The following RAB3IP variants were observed in gnomAD, a reference collection of about 807,000 sequenced individuals.
RAB3IP encodes the protein RAB3A interacting protein.
In RAB3IP, 36 loss-of-function variants were observed where a neutral mutation model predicts 59.1. That is an observed-to-expected ratio of 0.61 (90% CI 0.47 to 0.80). RAB3IP has a LOEUF of 0.80. Among genes scored for constraint, RAB3IP ranks in the 30% least tolerant of loss-of-function variants. The probability of loss-of-function intolerance (pLI) is 0.00; values close to 1 mark genes in which losing one functional copy is unlikely to be tolerated. For synonymous variants in RAB3IP, 207 were observed against 191.2 expected (o/e 1.08, Z -0.68); for missense variants, 511 against 536.0 (o/e 0.95, Z 0.46).
intron 3 of RAB3IP, among the ~76,000 whole-genome samples, chr12:69,758,218 G>A (rs762719529): frequency 2.9e-4 from 44 of 152,148 alleles, no homozygotes; most frequent in Admixed American, 8.5e-4. Flanking sequence ...TATTTAATAC[G>A]AGTTTCTTAT....
At chr12:69,784,383 T>C (rs978290723) in intron 3 of RAB3IP, among the ~76,000 whole-genome samples, 1 of 151,324 alleles carries the variant, frequency 6.6e-6, no homozygotes, top group Non-Finnish European at 1.5e-5. Context: ...GAAATAAATA[T>C]GTATAGCAAA....
intron 6 of RAB3IP, among the ~76,000 whole-genome samples, chr12:69,797,629 C>T (rs1305467871): frequency 1.3e-5 from 2 of 151,790 alleles, no homozygotes; most frequent in African/African-American, 2.4e-5. Context: ...CCCACTAACT[C>T]GTCATCTAGC....
intron 8 of RAB3IP, among the ~76,000 whole-genome samples, chr12:69,801,984 G>A (rs191078793): frequency 4.8e-4 from 69 of 143,246 alleles, no homozygotes; most frequent in African/African-American, 1.7e-3. Flanking sequence ...ATGGCAACAA[G>A]CACAATTACT....
intron 8 of RAB3IP, among the ~76,000 whole-genome samples, chr12:69,807,033 C>T (rs1056789415): frequency 1.4e-4 from 22 of 152,126 alleles, no homozygotes; most frequent in Admixed American, 8.5e-4. Context: ...CACATTTCCC[C>T]CTTTTCTTTT....
chr12:69,800,073 C>T (rs949533598), intron 6 of RAB3IP, 136 bp from the exon 7 acceptor site: 1 of 581,948 alleles, frequency 1.7e-6, no homozygotes, highest in Non-Finnish European at 2.6e-6. Flanking sequence ...TATTGAACCA[C>T]CAAGAGTGGT....
intron 10 of RAB3IP, among the ~76,000 whole-genome samples, chr12:69,814,647 G>A (rs747881940): frequency 5.3e-5 from 8 of 151,834 alleles, no homozygotes; most frequent in Non-Finnish European, 8.8e-5. Flanking sequence ...AACGTACCCT[G>A]GAGTGGCCAG....
intron 4 of RAB3IP, among the ~76,000 whole-genome samples, chr12:69,787,946 A>G (rs1204371864): frequency 6.6e-6 from 1 of 152,168 alleles, no homozygotes; most frequent in East Asian, 1.9e-4. Flanking sequence ...AAGTTTTAAA[A>G]GGTAAAACAA....
At chr12:69,806,658 T>C (rs1199616108) in intron 8 of RAB3IP, among the ~76,000 whole-genome samples, 2 of 147,682 alleles carry the variant, frequency 1.4e-5, no homozygotes, top group African/African-American at 5.0e-5. Context: ...AGGATAATAG[T>C]GGAGAGATGG....
intron 3 of RAB3IP, among the ~76,000 whole-genome samples, chr12:69,767,701 C>T (rs116680213): frequency 1.8e-3 from 270 of 152,014 alleles, no homozygotes; most frequent in Middle Eastern, 6.8e-3. Flanking sequence ...AAGGCCTCTG[C>T]ACAGGAGGAG....
chr12:69,809,701 A>G (rs1376238331), intron 8 of RAB3IP, among the ~76,000 whole-genome samples: 1 of 152,102 alleles, frequency 6.6e-6, no homozygotes, highest in Non-Finnish European at 1.5e-5. Context: ...TCGGTTACTG[A>G]GGCTTGTGCA....
intron 1 of RAB3IP, among the ~76,000 whole-genome samples, chr12:69,752,317 A>G (rs570574679): frequency 3.5e-4 from 52 of 147,688 alleles, no homozygotes; most frequent in African/African-American, 1.2e-3. Context: ...CCATTAAAAA[A>G]AAATTATATA....
chr12:69,800,360 G>T, intron 7 of RAB3IP, 23 bp downstream of exon 7: 1 of 1,428,334 alleles, frequency 7.0e-7, no homozygotes. Flanking sequence ...CATTTTAGTA[G>T]GAATTCATTA....
chr12:69,799,760 ATAAT>A (rs1878084633), intron 6 of RAB3IP, among the ~76,000 whole-genome samples: 1 of 152,180 alleles, frequency 6.6e-6, no homozygotes, highest in Non-Finnish European at 1.5e-5. Flanking sequence ...TTCAGACACT[ATAAT>A]TAATTAGGTT....
chr12:69,752,616 A>G (rs964852110), intron 1 of RAB3IP, among the ~76,000 whole-genome samples: 1 of 152,166 alleles, frequency 6.6e-6, no homozygotes, highest in Non-Finnish European at 1.5e-5. Flanking sequence ...AGTTATTGCT[A>G]AATTTTCCTC....
rs146834778 is a variant in RAB3IP at position 69,754,342 on chromosome 12, G to GACACACACAC, written c.-25-1042_-25-1041insACACACACAC. Among the ~76,000 whole-genome samples, 886 of 150,074 alleles carry GACACACACAC rather than the reference G, an allele frequency of 5.9e-3. 5 individuals carry two copies. Among genetic ancestry groups the GACACACACAC allele is most frequent in the Middle Eastern group, 0.028 (8 of 288 alleles). On this transcript the variant is annotated intron_variant, in intron 1 of 10. Transcript: ENST00000247833. ...ACACACACACATACACAGATACACG[G>GACACACACAC]GCACACACACACACACACACACACA...
intron 4 of RAB3IP, among the ~76,000 whole-genome samples, chr12:69,786,851 ACC>A (rs1291634814): frequency 5.9e-5 from 9 of 152,282 alleles, no homozygotes; most frequent in African/African-American, 2.2e-4. Flanking sequence ...GGAGTCTCTA[ACC>A]TTTTCTAACC....
chr12:69,815,700 C>T lies in RAB3IP; in HGVS notation c.*254C>T, dbSNP rs1235050144. On this transcript the variant is annotated 3_prime_UTR_variant, in exon 11 of 11. Coordinates refer to ENST00000247833, the MANE Select transcript of RAB3IP (RefSeq NM_022456.5). ...TATAGTTGCCAAAAAAAAAAAAAAC[C>T]TGAAATAAATAAATGTTAGATTGAA... The T allele has an allele frequency of 7.6e-6, 2 of 263,866 alleles. No individual in the cohort carries two copies. Among genetic ancestry groups the T allele is most frequent in the East Asian group, 1.4e-4 (2 of 14,728 alleles). The allele number at this position is 263,866 out of a possible 1,614,324, so 16.3% of individuals were successfully genotyped here. A position where few individuals can be genotyped will look rare whatever the true frequency, so the allele number is the denominator to read the frequency against.
chr12:69,756,035 ATTTCT>A (rs1264672635), intron 2 of RAB3IP, among the ~76,000 whole-genome samples: 1 of 152,216 alleles, frequency 6.6e-6, no homozygotes, highest in Non-Finnish European at 1.5e-5. Context: ...TCTTTTAAAG[ATTTCT>A]TTTCAACTAT....
At chr12:69,738,736 G>C (rs546235153), upstream of RAB3IP, 2 of 151,840 alleles carry the variant, frequency 1.3e-5, no homozygotes, top group East Asian at 1.9e-4. Context: ...GGGCGCGGAA[G>C]CGCGTCCGCC....
Sources: gnomAD v4.1 joint callset for allele counts (sites outside exome capture counted in the v4.1 genomes callset) on GRCh38, gnomAD v4.1.1 for gene constraint, MANE v1.5 for transcripts, NCBI Gene and HGNC (gene_info 2026-07-23, HGNC 2026-07-21) for gene names.